ABHD2: variants seen among roughly 807,000 people sequenced by gnomAD.
ABHD2 encodes the protein abhydrolase domain containing 2, acylglycerol lipase.
Under a neutral mutation model 48.1 loss-of-function variants are expected in ABHD2, and 20 were observed. That is an observed-to-expected ratio of 0.42 (90% CI 0.29 to 0.60). ABHD2 has a LOEUF of 0.60. Among genes scored for constraint, ABHD2 ranks in the 20% least tolerant of loss-of-function variants. ABHD2 has a pLI of 0.24. For missense variants in ABHD2, 405 were observed against 550.9 expected, an observed-to-expected ratio of 0.74 and a Z score of 2.65; for synonymous variants, 209 against 214.2, an observed-to-expected ratio of 0.98 and a Z score of 0.21.
chr15:89,044,676 G>C, the ABHD2 span, among the ~76,000 whole-genome samples: 3 of 151,902 alleles, frequency 2.0e-5, no homozygotes, highest in African/African-American at 7.2e-5. Context: ...ATTTTTTCAT[G>C]TGTTTTTTGG....
chr15:89,130,178 G>A (rs1287331393), intron 3 of ABHD2, among the ~76,000 whole-genome samples: 1 of 152,192 alleles, frequency 6.6e-6, no homozygotes, highest in Non-Finnish European at 1.5e-5. Flanking sequence ...AAGTAAACTA[G>A]TTTATACTGT....
At position 89,193,142 on chromosome 15, in the gene ABHD2, A is replaced by G. The variant is rs1450288662; in HGVS notation, c.997-93A>G. 3.1e-6 allele frequency: 4 copies of G among 1,278,344 alleles called. No individual in the cohort carries two copies. In the East Asian group the frequency reaches 9.3e-5, roughly 30 times the overall value. 79.2% of individuals were successfully genotyped at this position (1,278,344 alleles called of 1,614,324 possible). The stretch of plus-strand genomic sequence containing the variant: ...GCTGTGACCCTCTTCCCTTTGCTTC[A>G]AAAACATGTCCAGCAGTGAGTTTGA... On this transcript the variant is annotated intron_variant, in intron 9 of 10. Coordinates refer to ENST00000352732, the MANE Select transcript of ABHD2 (RefSeq NM_152924.5).
chr15:89,156,410 C>T (rs999163583), intron 5 of ABHD2, among the ~76,000 whole-genome samples: 4 of 152,072 alleles, frequency 2.6e-5, no homozygotes, highest in Admixed American at 6.5e-5. Flanking sequence ...CATGAGCCAC[C>T]GCGCCCCGCC....
rs1458332872 is a variant in ABHD2, at chr15:89,120,582, G to A, written c.194+4061G>A. Among the ~76,000 whole-genome samples, 1 of 152,110 alleles carries A rather than the reference G, an allele frequency of 6.6e-6. No individual in the cohort carries two copies. The highest frequency in any genetic ancestry group is 1.5e-5 in the Non-Finnish European group (1 of 68,024). Reference sequence around the variant, plus strand: ...GTTCACTGCAACTTCTGCCTCACGGGTTCAAGTGATTCTCCTACCTCAGCC... The same window carrying A: ...GTTCACTGCAACTTCTGCCTCACGGATTCAAGTGATTCTCCTACCTCAGCC... On this transcript the variant is annotated intron_variant, in intron 3 of 10. Transcript: ENST00000352732. This position sits in a 1 kb window ranked among gnomAD's most constrained non-coding sequence, Gnocchi z 4.2.
chr15:89,055,385 G>A, the ABHD2 span, among the ~76,000 whole-genome samples: 672 of 146,990 alleles, frequency 4.6e-3, no homozygotes, highest in Non-Finnish European at 7.8e-3. Flanking sequence ...GGAGTGCAGT[G>A]GCACGATCTC....
At chr15:89,059,572 A>G in the ABHD2 span, among the ~76,000 whole-genome samples, 11 of 152,290 alleles carry the variant, frequency 7.2e-5, no homozygotes, top group African/African-American at 2.6e-4. Context: ...CTCTTGAACC[A>G]TGAATTGGAG....
At chr15:89,187,564 C>T (rs528166169) in intron 7 of ABHD2, among the ~76,000 whole-genome samples, 5 of 151,992 alleles carry the variant, frequency 3.3e-5, no homozygotes, top group Non-Finnish European at 7.4e-5. Flanking sequence ...CAAAAATGCA[C>T]GTTGTGACCC....
At chr15:89,163,294 A>G (rs1034522669) in intron 5 of ABHD2, among the ~76,000 whole-genome samples, 2 of 152,274 alleles carry the variant, frequency 1.3e-5, no homozygotes, top group Non-Finnish European at 2.9e-5. Flanking sequence ...TGTTGAAAAC[A>G]GATCTGCCTT....
intron 3 of ABHD2, among the ~76,000 whole-genome samples, chr15:89,130,075 A>T (rs1341104940): frequency 6.6e-6 from 1 of 151,128 alleles, no homozygotes; most frequent in African/African-American, 2.5e-5. Flanking sequence ...CTTGGTAACA[A>T]TGAAGCCTTA....
intron 3 of ABHD2, among the ~76,000 whole-genome samples, chr15:89,117,483 G>T (rs1282364403): frequency 6.6e-6 from 1 of 152,228 alleles, no homozygotes; most frequent in South Asian, 2.1e-4. Context: ...GAATGACTGT[G>T]TCTTCCTCCA....
chr15:89,069,812 T>C, the ABHD2 span, among the ~76,000 whole-genome samples: 14 of 150,410 alleles, frequency 9.3e-5, no homozygotes, highest in Admixed American at 8.1e-4. Context: ...CCCAAGTAGC[T>C]GGGATTACAG....
rs1466507915 is a variant in ABHD2 at position 89,164,660 on chromosome 15, C to G, written c.538+9126C>G. Among the ~76,000 whole-genome samples the G allele has an allele frequency of 6.6e-6, 1 of 151,994 alleles. No individual in the cohort carries two copies. Among genetic ancestry groups the G allele is most frequent in the African/African-American group, 2.4e-5 (1 of 41,366 alleles). ...AAAAGCCAGGTGTGATGATACACAC[C>G]TGTAATCTCAGCTACCTGGGAGGCA... On this transcript the variant is annotated intron_variant, in intron 5 of 10. Coordinates refer to ENST00000352732, the MANE Select transcript of ABHD2 (RefSeq NM_152924.5). The surrounding 1 kb of genome is among the most constrained non-coding windows in gnomAD (Gnocchi z 5.0).
intron 3 of ABHD2, among the ~76,000 whole-genome samples, chr15:89,126,991 T>C (rs1470986345): frequency 1.3e-5 from 2 of 152,222 alleles, no homozygotes; most frequent in Non-Finnish European, 2.9e-5. Context: ...TACAGAAGGC[T>C]GTAGTCCTTG....
At chr15:89,133,043 T>C (rs1199518535) in intron 3 of ABHD2, among the ~76,000 whole-genome samples, 1 of 152,216 alleles carries the variant, frequency 6.6e-6, no homozygotes, top group Non-Finnish European at 1.5e-5. Context: ...TCCTCTTACA[T>C]TTGTGCTCAA....
At chr15:89,121,896 G>A (rs558678185) in intron 3 of ABHD2, among the ~76,000 whole-genome samples, 3 of 152,206 alleles carry the variant, frequency 2.0e-5, no homozygotes, top group East Asian at 1.9e-4. Flanking sequence ...TAGTGCAATC[G>A]TAACTCACCG....
At chr15:89,071,355 AG>A in the ABHD2 span, among the ~76,000 whole-genome samples, 1 of 152,094 alleles carries the variant, frequency 6.6e-6, no homozygotes, top group African/African-American at 2.4e-5. Context: ...CGGGAGGTGG[AG>A]GTTGCAGTGA....
At position 89,201,080 on chromosome 15, in the gene ABHD2, C is replaced by G; in HGVS notation, c.*5657C>G. ...CTGGGCAACAAGAGTGAGACTCCGT[C>G]TCCAAAAAAAGAAAAGGAATCCAGT... On this transcript the variant is annotated 3_prime_UTR_variant, in exon 11 of 11. Coordinates refer to ENST00000352732, the MANE Select transcript of ABHD2 (RefSeq NM_152924.5). 2.2e-6 allele frequency: 2 copies of G among 890,204 alleles called. No individual in the cohort carries two copies. Among genetic ancestry groups the G allele is most frequent in the Non-Finnish European group, 3.8e-6 (2 of 530,492 alleles). The allele number at this position is 890,204 out of a possible 1,614,324, so 55.1% of individuals were successfully genotyped here.
chr15:89,159,527 C>G (rs2050729992), intron 5 of ABHD2, among the ~76,000 whole-genome samples: 4 of 152,156 alleles, frequency 2.6e-5, no homozygotes, highest in Admixed American at 2.6e-4. Flanking sequence ...GGCATTTGAG[C>G]TGGGTTCTCA....
chr15:89,087,401 G>GGGGT (rs1401087191), upstream of ABHD2: 3 of 152,244 alleles, frequency 2.0e-5, no homozygotes, highest in African/African-American at 7.2e-5. The surrounding 1 kb of genome is among the most constrained non-coding windows in gnomAD (Gnocchi z 5.5). Flanking sequence ...CTGCCCTACA[G>GGGGT]GGGTTGCATT....
Sources: allele counts gnomAD v4.1 joint callset (sites outside exome capture counted in the v4.1 genomes callset), GRCh38; gene constraint gnomAD v4.1.1; non-coding constraint Gnocchi (gnomAD v3.1); transcripts MANE v1.5; gene names NCBI Gene and HGNC (gene_info 2026-07-23, HGNC 2026-07-21).